Variants in KMT2C observed in about 807,000 individuals in gnomAD.
KMT2C encodes the protein lysine methyltransferase 2C.
In KMT2C, 88 loss-of-function variants were observed where a neutral mutation model predicts 507.9. The ratio of observed to expected loss-of-function variants is 0.17; its 90% CI spans 0.15 to 0.21. The LOEUF (loss-of-function observed/expected upper bound fraction) is 0.21. KMT2C is among the 10% of genes least tolerant of loss of function. KMT2C has a pLI of 1.00. For missense variants in KMT2C, 4,954 were observed against 5,957.8 expected (o/e 0.83, Z 5.55); for synonymous variants, 2,049 against 2,080.8 (o/e 0.98, Z 0.42).
intron 16 of KMT2C, 115 bp from the exon 17 acceptor site, chr7:152,230,436 A>G (rs1390504778): frequency 1.4e-5 from 7 of 503,118 alleles, no homozygotes; most frequent in African/African-American, 1.2e-4. Context: ...AAGGTCTAGA[A>G]TAACAATTCC....
At chr7:152,382,346 T>C (rs1395471522) in intron 1 of KMT2C, among the ~76,000 whole-genome samples, 1 of 152,164 alleles carries the variant, frequency 6.6e-6, no homozygotes, top group East Asian at 1.9e-4. Context: ...CTGTCCTTAT[T>C]TATAACGGCC....
At chr7:152,209,840 G>C (rs2094412091) in intron 23 of KMT2C, among the ~76,000 whole-genome samples, 1 of 151,810 alleles carries the variant, frequency 6.6e-6, no homozygotes, top group Admixed American at 6.5e-5. Flanking sequence ...AAAGAATCCA[G>C]TTTATAACAC....
chr7:152,301,100 C>T (rs535996171), intron 6 of KMT2C, among the ~76,000 whole-genome samples: 32 of 151,386 alleles, frequency 2.1e-4, no homozygotes, highest in South Asian at 4.2e-4. Flanking sequence ...CAGTGGCTCA[C>T]GCCTATAATA....
At chr7:152,306,492 A>G (rs2096616867) in intron 6 of KMT2C, among the ~76,000 whole-genome samples, 1 of 152,240 alleles carries the variant, frequency 6.6e-6, no homozygotes, top group South Asian at 2.1e-4. Context: ...TATGGATGTA[A>G]CACAGTTTAT....
rs772892268 is a variant in KMT2C, at chr7:152,177,567, G to A, written c.7886C>T (p.Pro2629Leu). ...ATGACCTTGCTCTTGTTGAGATGGT[G>A]GCACTTGTTCCAAATCTGGGTGCAC... Reference protein sequence around the residue: ...LPVHPDLEQVPPSQQEQGHSV... With the variant: ...LPVHPDLEQVLPSQQEQGHSV... Residue 2629 changes from proline to leucine, a missense_variant, in exon 38 of 59, where the codon CCA becomes CTA. Pro to Leu is a moderately conservative substitution (Grantham distance 98). Transcript: ENST00000262189. 6.8e-6 allele frequency: 11 copies of A among 1,614,216 alleles called. No individual in the cohort carries two copies. The highest frequency in any genetic ancestry group is 1.3e-5 in the African/African-American group (1 of 75,038).
Position 152,144,669 on chromosome 7 carries a change from T to C in KMT2C, c.14343+44A>G. ...CATCAATAGCTTCAGATTGCTAGACTCCACCCTGTCTCTCCACTTCCTGTA... is the reference window on the plus strand; with the variant it reads ...CATCAATAGCTTCAGATTGCTAGACCCCACCCTGTCTCTCCACTTCCTGTA... On this transcript the variant is annotated intron_variant, in intron 55 of 58. Transcript: ENST00000262189. The surrounding 1 kb of genome is among the most constrained non-coding windows in gnomAD (Gnocchi z 4.4). 6.3e-7 allele frequency: 1 copy of C among 1,575,312 alleles called. No homozygotes were observed. The highest frequency in any genetic ancestry group is 1.1e-5 in the South Asian group (1 of 87,478).
chr7:152,339,836 T>A (rs190341030), intron 2 of KMT2C, among the ~76,000 whole-genome samples: 3 of 152,188 alleles, frequency 2.0e-5, no homozygotes, highest in Non-Finnish European at 4.4e-5. Context: ...AGCAGATAAA[T>A]CTCATATATA....
At chr7:152,212,833 G>A (rs1405692026) in intron 23 of KMT2C, among the ~76,000 whole-genome samples, 1 of 152,242 alleles carries the variant, frequency 6.6e-6, no homozygotes. Flanking sequence ...CTGAAGTCAG[G>A]AGTTCAAGAC....
At chr7:152,253,543 A>AAAAAT (rs2095597761) in intron 9 of KMT2C, among the ~76,000 whole-genome samples, 1 of 147,504 alleles carries the variant, frequency 6.8e-6, no homozygotes, top group Admixed American at 6.8e-5. Context: ...AAAAAAAAAA[A>AAAAAT]TTTAATTAGC....
At chr7:152,217,153 T>G (rs2094604623) in intron 23 of KMT2C, among the ~76,000 whole-genome samples, 1 of 152,142 alleles carries the variant, frequency 6.6e-6, no homozygotes, top group Admixed American at 6.5e-5. Context: ...ATCACAAATT[T>G]TAGGTTTAAT....
chr7:152,393,770 T>G lies in KMT2C; in HGVS notation c.162-35095A>C, dbSNP rs1022999567. Among the ~76,000 whole-genome samples the G allele has an allele frequency of 3.0e-4, 45 of 152,222 alleles. 3 individuals are homozygous for G. The highest frequency in any genetic ancestry group is 3.4e-3 in the Middle Eastern group (1 of 294). ...AGCCGGGCATGGTGGTGCATGCCTG[T>G]AATCCCAGCTACTGGGGAGGTTGAG... is the stretch of plus-strand genomic sequence containing the variant. On this transcript the variant is annotated intron_variant, in intron 1 of 58. Coordinates refer to ENST00000262189, the MANE Select transcript of KMT2C (RefSeq NM_170606.3).
chr7:152,180,040 G>T lies in KMT2C; in HGVS notation c.7236C>A (p.Pro2412=), dbSNP rs140215243. The change falls in exon 37 of 59, where the codon CCC becomes CCA. Residue 2412 remains proline (P), a synonymous_variant. Transcript: ENST00000262189. The part of the protein sequence containing the change: ...GRQEKGSQDS[P]AVPHPGPLQH... ...GAAGAGGCCCTGGATGAGGCACTGC[G>T]GGTGAGTCCTGTGACCCCTTCTCCT... is the stretch of plus-strand genomic sequence containing the variant. 1.2e-6 allele frequency: 2 copies of T among 1,613,990 alleles called. No individual in the cohort carries two copies. The highest frequency in any genetic ancestry group is 1.7e-6 in the Non-Finnish European group (2 of 1,179,998).
At chr7:152,417,135 G>C (rs1408687651) in intron 1 of KMT2C, among the ~76,000 whole-genome samples, 1 of 151,464 alleles carries the variant, frequency 6.6e-6, no homozygotes, top group Non-Finnish European at 1.5e-5. Context: ...ATATAAGAAG[G>C]AAAAAATTTT....
chr7:152,202,691 T>C (rs966601737), intron 26 of KMT2C, among the ~76,000 whole-genome samples: 5 of 152,166 alleles, frequency 3.3e-5, no homozygotes, highest in African/African-American at 9.6e-5. Context: ...TTACATCTTA[T>C]AGAATGCTTA....
chr7:152,430,530 C>T (rs2097855361), intron 1 of KMT2C, among the ~76,000 whole-genome samples: 2 of 152,144 alleles, frequency 1.3e-5, no homozygotes, highest in Non-Finnish European at 2.9e-5. Context: ...GCAGAGAGAC[C>T]ATCTAATGTT....
chr7:152,433,868 TGTGCGC>T (rs1338812275), intron 1 of KMT2C, among the ~76,000 whole-genome samples: 11 of 152,296 alleles, frequency 7.2e-5, no homozygotes, highest in South Asian at 4.1e-4. Flanking sequence ...AGTGTGCGCG[TGTGCGC>T]GTGCACAAGC....
Position 152,207,305 on chromosome 7 carries a change from C to T in KMT2C, c.3836G>A (p.Arg1279Lys), listed in dbSNP as rs2129138475. The stretch of plus-strand genomic sequence containing the variant: ...GTCTACCTCAGGCACTATACCTGGT[C>T]TGTATGGTTTCCTTTTTCTCTTTTT... The part of the protein sequence containing the change: ...GVKKRKRKPY[R>K]PGIGGFMVRQ... Residue 1279 changes from arginine to lysine, a missense_variant, in exon 24 of 59, where the codon AGA becomes AAA. By Grantham distance (26) the Arg-to-Lys change is conservative (BLOSUM62 2). Coordinates refer to ENST00000262189, the MANE Select transcript of KMT2C (RefSeq NM_170606.3). 1 of 1,582,964 alleles carries T rather than the reference C, an allele frequency of 6.3e-7. No individual in the cohort carries two copies. Among genetic ancestry groups the T allele is most frequent in the Non-Finnish European group, 8.6e-7 (1 of 1,167,314 alleles).
In KMT2C at chr7:152,136,768, A is replaced by T. The variant is rs762659955; in HGVS notation, c.*64T>A. On this transcript the variant is annotated 3_prime_UTR_variant, in exon 59 of 59. Transcript: ENST00000262189. ...AATCTCTTTCTGTCTGCAAAATTCC[A>T]ATGGTGTGTTGAATCGCCTCTTCCT... 4.4e-5 allele frequency: 49 copies of T among 1,119,922 alleles called. No individual in the cohort carries two copies. The highest frequency in any genetic ancestry group is 6.7e-5 in the Non-Finnish European group (49 of 734,866). 69.4% of individuals were successfully genotyped at this position (1,119,922 alleles called of 1,614,324 possible).
rs2093377986 is a variant in KMT2C, at chr7:152,180,026, G to A, written c.7250C>T (p.Pro2417Leu). The stretch of plus-strand genomic sequence containing the variant: ...TGGTTGCCAGTGTTGAAGAGGCCCT[G>A]GATGAGGCACTGCGGGTGAGTCCTG... ...GSQDSPAVPHPGPLQHWQPEN... is the reference protein window; with the variant it reads ...GSQDSPAVPHLGPLQHWQPEN... Residue 2417 changes from proline (P) to leucine (L), a missense_variant, in exon 37 of 59, where the codon CCA becomes CTA. Pro to Leu is a moderately conservative substitution (Grantham distance 98). Around this residue, in one of 29 missense-constraint regions of KMT2C, gnomAD observed 1,689 missense variants for 1,654.3 expected, o/e 1.02. Coordinates refer to ENST00000262189, the MANE Select transcript of KMT2C (RefSeq NM_170606.3). 6.2e-7 allele frequency: 1 copy of A among 1,614,048 alleles called. No homozygotes were observed. The highest frequency in any genetic ancestry group is 1.3e-5 in the African/African-American group (1 of 74,914).
Sources: allele counts gnomAD v4.1 joint callset (sites outside exome capture counted in the v4.1 genomes callset), GRCh38; gene constraint gnomAD v4.1.1; regional missense constraint gnomAD v4.1.1; non-coding constraint Gnocchi (gnomAD v3.1); transcripts MANE v1.5; gene names NCBI Gene and HGNC (gene_info 2026-07-23, HGNC 2026-07-21).